The following ALDH1A1 variants were observed in gnomAD, a reference collection of about 807,000 sequenced individuals.
ALDH1A1 encodes aldehyde dehydrogenase 1A1.
A neutral mutation model predicts 62.1 loss-of-function variants in ALDH1A1; 19 were observed. The ratio of observed to expected loss-of-function variants is 0.31; its 90% CI spans 0.21 to 0.45. ALDH1A1 has a LOEUF of 0.45. Ranked by LOEUF, ALDH1A1 falls within the 20% of genes least tolerant of loss-of-function variation. The pLI is 1.00. For synonymous variants in ALDH1A1, 231 were observed against 215.9 expected, an observed-to-expected ratio of 1.07 and a Z score of -0.61; for missense variants, 521 against 607.1, an observed-to-expected ratio of 0.86 and a Z score of 1.49.
chr9:72,930,068 A>T (rs981090627), intron 3 of ALDH1A1, among the ~76,000 whole-genome samples: 5 of 152,166 alleles, frequency 3.3e-5, no homozygotes, highest in Non-Finnish European at 5.9e-5. Context: ...TTGATTTTTT[A>T]AAAATGTAGA....
At chr9:72,912,148 G>GAAA in intron 9 of ALDH1A1, 26 bp from the exon 10 acceptor site, 1 of 1,586,232 alleles carries the variant, frequency 6.3e-7, no homozygotes, top group Non-Finnish European at 8.6e-7. Context: ...CACATGAAAA[G>GAAA]AAAAAAAGTA....
chr9:72,904,769 C>G (rs1299753287), intron 12 of ALDH1A1, among the ~76,000 whole-genome samples: 1 of 151,862 alleles, frequency 6.6e-6, no homozygotes, highest in Non-Finnish European at 1.5e-5. Context: ...TTCTTCAATA[C>G]TTTGCTCGGT....
chr9:72,926,447 C>G (rs1830209434), intron 5 of ALDH1A1, among the ~76,000 whole-genome samples: 1 of 152,086 alleles, frequency 6.6e-6, no homozygotes, highest in Non-Finnish European at 1.5e-5. Flanking sequence ...TTTGTTTGGC[C>G]TTTTAAAGCA....
chr9:72,908,575 GAAAGAA>G (rs1829926280), intron 11 of ALDH1A1, among the ~76,000 whole-genome samples: 2 of 112,138 alleles, frequency 1.8e-5, no homozygotes, highest in African/African-American at 6.9e-5. Context: ...AAGAAAGAAA[GAAAGAA>G]AGAAAGAAAG....
rs192879914 is a variant in ALDH1A1 at position 72,928,945 on chromosome 9, A to G, written c.389T>C (p.Leu130Ser). 4.3e-6 allele frequency: 7 copies of G among 1,614,020 alleles called. No individual in the cohort carries two copies. The highest frequency in any genetic ancestry group is 1.7e-4 in the Middle Eastern group (1 of 6,060). ...GTCAGCCCAACCTGCACAGTAGCGC[A>G]ATGTTTTGATGCAGCCTGCTAAATC... ...LNDLAGCIKT[L>S]RYCAGWADKI... Residue 130 changes from leucine (L) to serine (S), a missense_variant, in exon 4 of 13, where the codon TTG becomes TCG. Leu to Ser is a moderately radical substitution (Grantham distance 145). Coordinates refer to ENST00000297785, the MANE Select transcript of ALDH1A1 (RefSeq NM_000689.5).
At chr9:72,928,862 C>T in intron 4 of ALDH1A1, 30 bp downstream of exon 4, 1 of 1,609,488 alleles carries the variant, frequency 6.2e-7, no homozygotes, top group Non-Finnish European at 8.5e-7. Context: ...CTCCTATCCT[C>T]ACCATTAGTG....
At chr9:72,930,311 A>ATT (rs200410298) in intron 3 of ALDH1A1, among the ~76,000 whole-genome samples, 1 of 152,046 alleles carries the variant, frequency 6.6e-6, no homozygotes, top group African/African-American at 2.4e-5. Context: ...TAATAATTGG[A>ATT]TTTTTTTTAT....
chr9:72,945,617 A>C (rs1282434822), intron 1 of ALDH1A1, among the ~76,000 whole-genome samples: 1 of 151,914 alleles, frequency 6.6e-6, no homozygotes, highest in Non-Finnish European at 1.5e-5. Flanking sequence ...GGAACCTACC[A>C]AAGTACTAAA....
intron 11 of ALDH1A1, among the ~76,000 whole-genome samples, chr9:72,908,544 A>AAG (rs1176279324): frequency 1.9e-5 from 1 of 52,108 alleles, no homozygotes; most frequent in Non-Finnish European, 4.0e-5. Flanking sequence ...AGAAAGAAAG[A>AAG]AAAGAAAGAA....
At chr9:72,912,874 C>A (rs1370238201) in intron 9 of ALDH1A1, among the ~76,000 whole-genome samples, 1 of 152,176 alleles carries the variant, frequency 6.6e-6, no homozygotes, top group East Asian at 1.9e-4. Context: ...ACACCAGGAA[C>A]ACGTACCTCT....
Position 72,908,370 on chromosome 9 carries a change from G to A in ALDH1A1, c.1358+1232C>T, listed in dbSNP as rs182150000. 7.5e-4 allele frequency among the ~76,000 whole-genome samples: 98 copies of A among 129,970 alleles called. 2 individuals are homozygous for A. Among genetic ancestry groups the A allele is most frequent in the African/African-American group, 2.5e-3 (88 of 35,372 alleles). 85.3% of individuals were successfully genotyped at this position (129,970 alleles called of 152,430 possible). A position where few individuals can be genotyped will look rare whatever the true frequency, so the allele number is the denominator to read the frequency against. On this transcript the variant is annotated intron_variant, in intron 11 of 12. Transcript: ENST00000297785. Reference sequence around the variant, plus strand: ...GAATCACTTGAACCCAGGAGGCAGAGGTTGCAGTGATCCAAGATCGCACCA... The same window carrying A: ...GAATCACTTGAACCCAGGAGGCAGAAGTTGCAGTGATCCAAGATCGCACCA...
intron 9 of ALDH1A1, among the ~76,000 whole-genome samples, chr9:72,914,973 G>GT (rs1830042474): frequency 6.6e-6 from 1 of 152,032 alleles, no homozygotes; most frequent in Non-Finnish European, 1.5e-5. Context: ...TCCCCTTTGC[G>GT]TAAGTTTTTT....
intron 1 of ALDH1A1, among the ~76,000 whole-genome samples, chr9:72,952,276 C>T (rs1259549482): frequency 6.6e-6 from 1 of 151,904 alleles, no homozygotes; most frequent in South Asian, 2.1e-4. Context: ...CCTAGTTCCC[C>T]CCAGCTGCGG....
chr9:72,917,528 ATACTC>A (rs1360947428), intron 8 of ALDH1A1, among the ~76,000 whole-genome samples: 1 of 152,174 alleles, frequency 6.6e-6, no homozygotes, highest in Non-Finnish European at 1.5e-5. Context: ...AGATTCTTAA[ATACTC>A]TACTCAACAG....
chr9:72,950,957 C>T (rs1380263773), intron 1 of ALDH1A1, among the ~76,000 whole-genome samples: 1 of 151,758 alleles, frequency 6.6e-6, no homozygotes, highest in East Asian at 1.9e-4. Context: ...AAAAAGTTCA[C>T]CCATTTAGAT....
At chr9:72,938,300 GGCAACCCCTGGGCAACTAAAGA>G (rs1830370183) in intron 2 of ALDH1A1, among the ~76,000 whole-genome samples, 1 of 151,856 alleles carries the variant, frequency 6.6e-6, no homozygotes, top group South Asian at 2.1e-4. Flanking sequence ...TTTAAAACTT[GGCAACCCCTGGGCAACTAAAGA>G]GCAGAAAAAT....
In ALDH1A1 at chr9:72,925,420, G is replaced by C. The variant is rs8187931; in HGVS notation, c.633+64C>G. The C allele has an allele frequency of 8.9e-4, 1,390 of 1,562,650 alleles. 14 individuals are homozygous for C. The African/African-American group carries it at 0.016, about 18-fold the overall frequency. Reference sequence around the variant, plus strand: ...TGTACTTTATAGTAGCAACAAATGAGGTCTTCCTATTGTAATTTAGGATTC... The same window carrying C: ...TGTACTTTATAGTAGCAACAAATGACGTCTTCCTATTGTAATTTAGGATTC... On this transcript the variant is annotated intron_variant, in intron 6 of 12. Coordinates refer to ENST00000297785, the MANE Select transcript of ALDH1A1 (RefSeq NM_000689.5).
At chr9:72,943,576 C>T (rs1830441446) in intron 1 of ALDH1A1, among the ~76,000 whole-genome samples, 1 of 152,166 alleles carries the variant, frequency 6.6e-6, no homozygotes, top group Admixed American at 6.6e-5. Context: ...CACTGTTCTG[C>T]ATTATTCAGT....
chr9:72,931,025 A>G lies in ALDH1A1; in HGVS notation c.172-6T>C. On this transcript the variant is annotated splice_region_variant and splice_polypyrimidine_tract_variant and intron_variant, in intron 2 of 12. Coordinates refer to ENST00000297785, the MANE Select transcript of ALDH1A1 (RefSeq NM_000689.5). ...ACTGCCTTGTCAACATCCTCCTGTA[A>G]GTCAACAGGAATTCAATTCAGTAAG... 4 of 1,613,864 alleles carry G rather than the reference A, an allele frequency of 2.5e-6. No individual in the cohort carries two copies. Among genetic ancestry groups the G allele is most frequent in the Non-Finnish European group, 3.4e-6 (4 of 1,179,856 alleles).
Sources: allele counts gnomAD v4.1 joint callset (sites outside exome capture counted in the v4.1 genomes callset), GRCh38; gene constraint gnomAD v4.1.1; transcripts MANE v1.5; gene names NCBI Gene and HGNC (gene_info 2026-07-23, HGNC 2026-07-21).